PAK1: variants seen among roughly 807,000 people sequenced by gnomAD.
PAK1 encodes serine/threonine-protein kinase PAK 1.
PAK1 carries 29 observed loss-of-function variants against 67.4 expected under a neutral mutation model. The observed-to-expected ratio is 0.43, with a 90% CI of 0.32 to 0.59. The LOEUF is 0.59. PAK1 is among the 20% of genes least tolerant of loss of function. The pLI, the probability that PAK1 is intolerant of heterozygous loss-of-function variation, is 0.07. For missense variants in PAK1, 337 were observed against 670.7 expected (o/e 0.50, Z 5.50); for synonymous variants, 223 against 237.4 (o/e 0.94, Z 0.56).
At chr11:77,482,081 C>T in the PAK1 span, among the ~76,000 whole-genome samples, 1 of 151,864 alleles carries the variant, frequency 6.6e-6, no homozygotes, top group Non-Finnish European at 1.5e-5. Context: ...CTCCGCCTCC[C>T]GGGTTCAAGC....
At chr11:77,472,315 G>A (rs542908316) in intron 1 of PAK1, among the ~76,000 whole-genome samples, 1 of 152,302 alleles carries the variant, frequency 6.6e-6, no homozygotes, top group South Asian at 2.1e-4. Context: ...GTTGAGGTGG[G>A]GAGTTTTTAT....
At chr11:77,503,039 G>A in the PAK1 span, among the ~76,000 whole-genome samples, 7 of 152,088 alleles carry the variant, frequency 4.6e-5, no homozygotes, top group South Asian at 6.2e-4. Context: ...GATGATCTTC[G>A]GGTTCCTGGG....
chr11:77,390,867 A>C (rs1280470255), intron 2 of PAK1, among the ~76,000 whole-genome samples: 2 of 152,160 alleles, frequency 1.3e-5, no homozygotes, highest in African/African-American at 4.8e-5. Flanking sequence ...ACTCATACAC[A>C]TAACGATATA....
chr11:77,349,495 T>G, intron 8 of PAK1: 1 of 559,758 alleles, frequency 1.8e-6, no homozygotes, highest in Non-Finnish European at 3.2e-6. Context: ...GAGACCTGAA[T>G]TCCAACCTGG....
At chr11:77,526,641 G>C in the PAK1 span, among the ~76,000 whole-genome samples, 2,024 of 152,342 alleles carry the variant, frequency 0.013, 18 homozygotes, top group Non-Finnish European at 0.02. Context: ...CTGGAGGCCA[G>C]GTGTGGTGGC....
rs866888324 is a variant in PAK1 at position 77,404,896 on chromosome 11, T to C, written c.-21-12355A>G. 3.9e-5 allele frequency among the ~76,000 whole-genome samples: 6 copies of C among 152,320 alleles called. No individual in the cohort carries two copies. In the East Asian group the frequency reaches 5.8e-4, roughly 15 times the overall value. ...GAATAAGAGAAAGGCCTTGTGCTCA[T>C]AGAGTTTATGGTCTAGTAAGAGATG... is the stretch of plus-strand genomic sequence containing the variant. On this transcript the variant is annotated intron_variant, in intron 1 of 14. Coordinates refer to ENST00000356341, the MANE Select transcript of PAK1 (RefSeq NM_002576.5).
chr11:77,416,400 C>A (rs1479307373), intron 1 of PAK1, among the ~76,000 whole-genome samples: 3 of 152,078 alleles, frequency 2.0e-5, no homozygotes, highest in Non-Finnish European at 2.9e-5. Flanking sequence ...TACATCTTGT[C>A]CCACTGTCAA....
rs770407187 is a variant in PAK1, at chr11:77,340,633, C to T, written c.1116+13G>A. ...CAGCTTTCTACCCAAGACTGCTTGGCCCTTGGCCTTACCTCACGGCACACA... is the reference window on the plus strand; with the variant it reads ...CAGCTTTCTACCCAAGACTGCTTGGTCCTTGGCCTTACCTCACGGCACACA... On this transcript the variant is annotated intron_variant, in intron 11 of 14. Transcript: ENST00000356341. 1 of 1,344,440 alleles carries T rather than the reference C, an allele frequency of 7.4e-7. No homozygotes were observed. The highest frequency in any genetic ancestry group is 1.2e-5 in the South Asian group (1 of 85,632). The allele number at this position is 1,344,440 out of a possible 1,614,324, so 83.3% of individuals were successfully genotyped here.
chr11:77,361,117 C>T (rs1476986922), intron 5 of PAK1, among the ~76,000 whole-genome samples: 1 of 152,168 alleles, frequency 6.6e-6, no homozygotes, highest in Non-Finnish European at 1.5e-5. Context: ...CTATGACTTA[C>T]ATTCTAGAAG....
chr11:77,346,889 TG>T (rs1450726224), intron 9 of PAK1: 1 of 397,408 alleles, frequency 2.5e-6, no homozygotes, highest in Non-Finnish European at 5.0e-6. Flanking sequence ...TTCTTTCTAT[TG>T]TACACATTCT....
chr11:77,410,412 T>C (rs1253954442), intron 1 of PAK1, among the ~76,000 whole-genome samples: 4 of 152,066 alleles, frequency 2.6e-5, no homozygotes, highest in African/African-American at 4.8e-5. Context: ...AGAGAGAGAA[T>C]GGTCCTGGGG....
intron 1 of PAK1, among the ~76,000 whole-genome samples, chr11:77,443,640 G>A (rs1956463612): frequency 6.6e-6 from 1 of 152,162 alleles, no homozygotes; most frequent in African/African-American, 2.4e-5. Flanking sequence ...GTTATTAATG[G>A]AGCCAGGATT....
At chr11:77,489,693 C>G in the PAK1 span, among the ~76,000 whole-genome samples, 7 of 150,508 alleles carry the variant, frequency 4.7e-5, no homozygotes, top group Non-Finnish European at 7.4e-5. Flanking sequence ...GCGAGTGATC[C>G]GCCAGCCTCG....
chr11:77,413,705 A>G (rs548461174), intron 1 of PAK1, among the ~76,000 whole-genome samples: 62 of 152,234 alleles, frequency 4.1e-4, no homozygotes, highest in African/African-American at 1.5e-3. Flanking sequence ...AAGGAAAAAA[A>G]GGAAAGAAAA....
chr11:77,470,517 G>A (rs1023773328), intron 1 of PAK1, among the ~76,000 whole-genome samples: 1 of 152,094 alleles, frequency 6.6e-6, no homozygotes, highest in Non-Finnish European at 1.5e-5. Context: ...TATAGTAAAC[G>A]GATGAATAAT....
At chr11:77,467,323 C>G (rs908151453) in intron 1 of PAK1, among the ~76,000 whole-genome samples, 1 of 152,162 alleles carries the variant, frequency 6.6e-6, no homozygotes, top group African/African-American at 2.4e-5. Flanking sequence ...ATATTTTTGT[C>G]ATTTTTTGTC....
At chr11:77,488,055 C>T in the PAK1 span, among the ~76,000 whole-genome samples, 1 of 152,220 alleles carries the variant, frequency 6.6e-6, no homozygotes, top group Admixed American at 6.5e-5. Flanking sequence ...CCTCTTCCAG[C>T]TCCAGGTGGC....
chr11:77,447,752 C>T (rs1463767250), intron 1 of PAK1, among the ~76,000 whole-genome samples: 1 of 152,108 alleles, frequency 6.6e-6, no homozygotes, highest in Non-Finnish European at 1.5e-5. Flanking sequence ...TCTCAAACTC[C>T]TGATCTCAGG....
chr11:77,463,418 AAC>A (rs756952949), intron 1 of PAK1, among the ~76,000 whole-genome samples: 4 of 152,196 alleles, frequency 2.6e-5, no homozygotes, highest in African/African-American at 4.8e-5. Context: ...TATAAAATGA[AAC>A]AGTTTCAAGA....
Sources: allele counts gnomAD v4.1 joint callset (sites outside exome capture counted in the v4.1 genomes callset), GRCh38; gene constraint gnomAD v4.1.1; transcripts MANE v1.5; gene names NCBI Gene and HGNC (gene_info 2026-07-23, HGNC 2026-07-21).